Variants in CSMD1 observed in about 807,000 individuals in gnomAD.
The protein encoded by CSMD1 is CUB and sushi domain-containing protein 1.
In CSMD1, 213 loss-of-function variants were observed where a neutral mutation model predicts 417.5. That is an observed-to-expected ratio of 0.51 (90% confidence interval 0.46 to 0.57). The LOEUF (loss-of-function observed/expected upper bound fraction) is 0.57. CSMD1 is among the 20% of genes least tolerant of loss of function. The pLI, the probability that CSMD1 is intolerant of heterozygous loss-of-function variation, is 0.00. For synonymous variants in CSMD1, 2,862 were observed against 1,736.8 expected, an observed-to-expected ratio of 1.65 and a Z score of -16.11; for missense variants, 6,923 against 4,529.7, an observed-to-expected ratio of 1.53 and a Z score of -15.17.
intron 1 of CSMD1, among the ~76,000 whole-genome samples, chr8:4,901,536 AT>A (rs1804869961): frequency 6.6e-6 from 1 of 151,696 alleles, no homozygotes; most frequent in Non-Finnish European, 1.5e-5. Flanking sequence ...AAGAATTCAT[AT>A]GATCTCCCCA....
chr8:4,036,959 GTGTGT>G (rs1563347433), intron 3 of CSMD1, among the ~76,000 whole-genome samples: 1,729 of 9,818 alleles, frequency 0.18, 33 homozygotes, highest in African/African-American at 0.4. Flanking sequence ...AGTGTGGGGT[GTGTGT>G]GTGTGTGTGT....
intron 1 of CSMD1, among the ~76,000 whole-genome samples, chr8:4,660,116 A>G (rs76376882): frequency 4.5e-5 from 6 of 133,452 alleles, no homozygotes; most frequent in Non-Finnish European, 7.6e-5. Context: ...AACCAGTGCA[A>G]AAAAAAAAAA....
chr8:4,745,636 G>A (rs932089499), intron 1 of CSMD1, among the ~76,000 whole-genome samples: 1 of 152,188 alleles, frequency 6.6e-6, no homozygotes, highest in Non-Finnish European at 1.5e-5. Flanking sequence ...AGAGAGAGTA[G>A]AGAGAAGTAG....
At chr8:4,490,343 A>G (rs1040042082) in intron 2 of CSMD1, among the ~76,000 whole-genome samples, 1 of 152,130 alleles carries the variant, frequency 6.6e-6, no homozygotes, top group African/African-American at 2.4e-5. Context: ...TCCAGCCCAG[A>G]TATCTTGTAA....
At chr8:4,590,742 G>C (rs1160481310) in intron 2 of CSMD1, among the ~76,000 whole-genome samples, 1 of 152,060 alleles carries the variant, frequency 6.6e-6, no homozygotes, top group Non-Finnish European at 1.5e-5. Context: ...TATGCTTTTG[G>C]TTTTCTTTTG....
Position 3,698,041 on chromosome 8 carries a change from TC to T in CSMD1, c.1009+10372del, listed in dbSNP as rs1222782575. On this transcript the variant is annotated intron_variant, in intron 7 of 69. Coordinates refer to ENST00000635120, the MANE Select transcript of CSMD1 (RefSeq NM_033225.6). ...ACATTGTTTTATGTATTTTAATAGA[TC>T]CTTTTTTTCTGTTTATTTAAAAAAT... 3.4e-5 allele frequency among the ~76,000 whole-genome samples: 5 copies of T among 147,996 alleles called. No individual in the cohort carries two copies. The East Asian group carries it at 5.8e-4, about 17-fold the overall frequency.
chr8:4,781,107 G>C (rs1478569777), intron 1 of CSMD1, among the ~76,000 whole-genome samples: 6 of 152,110 alleles, frequency 3.9e-5, no homozygotes, highest in Non-Finnish European at 8.8e-5. Flanking sequence ...TCTTCTGGTG[G>C]TGTCTTTTCT....
intron 1 of CSMD1, among the ~76,000 whole-genome samples, chr8:4,873,034 C>A (rs931540374): frequency 6.6e-6 from 1 of 151,846 alleles, no homozygotes; most frequent in Non-Finnish European, 1.5e-5. Flanking sequence ...AAATGGTTAC[C>A]ACAAATCGTA....
chr8:3,992,452 C>A (rs1264285215), intron 5 of CSMD1, among the ~76,000 whole-genome samples: 1 of 152,122 alleles, frequency 6.6e-6, no homozygotes, highest in Admixed American at 6.6e-5. Context: ...TAGCTTACAA[C>A]AGGTTTGTGA....
chr8:3,564,999 G>C (rs900139503), intron 10 of CSMD1, among the ~76,000 whole-genome samples: 2 of 121,628 alleles, frequency 1.6e-5, no homozygotes, highest in African/African-American at 6.7e-5. Context: ...TTAATACCTA[G>C]GTGATGGGAA....
intron 3 of CSMD1, among the ~76,000 whole-genome samples, chr8:4,170,447 C>T (rs78868262): frequency 0.059 from 8,899 of 151,850 alleles, 1,077 homozygotes; most frequent in African/African-American, 0.2. Flanking sequence ...AATACTTCCC[C>T]TTTTTCCTAA....
In CSMD1 at chr8:3,850,645, A is replaced by G. The variant is rs376188762; in HGVS notation, c.819-96603T>C. Among the ~76,000 whole-genome samples, 37 of 152,314 alleles carry G rather than the reference A, an allele frequency of 2.4e-4. 1 individual carries two copies. The highest frequency in any genetic ancestry group is 7.7e-4 in the African/African-American group (32 of 41,562). ...GGGGGGCGGAGGTTGAGGTGAGCCA[A>G]GATCGCACCACTGCACTCCAGCCTG... On this transcript the variant is annotated intron_variant, in intron 5 of 69. Transcript: ENST00000635120.
At chr8:4,920,914 A>AG (rs1288141109) in intron 1 of CSMD1, among the ~76,000 whole-genome samples, 1 of 60,692 alleles carries the variant, frequency 1.6e-5, no homozygotes, top group African/African-American at 4.8e-5. Context: ...AAGAAAAGAA[A>AG]AGAAAAGAAA....
At chr8:4,322,492 A>C (rs988603074) in intron 3 of CSMD1, among the ~76,000 whole-genome samples, 1 of 152,164 alleles carries the variant, frequency 6.6e-6, no homozygotes, top group Non-Finnish European at 1.5e-5. Context: ...TGAAAGCTGT[A>C]TGCAGTTGTG....
In CSMD1 at chr8:4,207,547, T is replaced by A. The variant is rs373448638; in HGVS notation, c.416-175448A>T. Among the ~76,000 whole-genome samples, 18 of 152,244 alleles carry A rather than the reference T, an allele frequency of 1.2e-4. 1 individual carries two copies. In the South Asian group the frequency reaches 1.9e-3, roughly 16 times the overall value. ...AGTTTTAGTTTCAAATGTCCATCAA[T>A]AGAAAATAATGTTAAGAAAATGAAT... is the stretch of plus-strand genomic sequence containing the variant. On this transcript the variant is annotated intron_variant, in intron 3 of 69. Transcript: ENST00000635120.
At chr8:4,407,877 A>C (rs944198215) in intron 3 of CSMD1, among the ~76,000 whole-genome samples, 1 of 152,148 alleles carries the variant, frequency 6.6e-6, no homozygotes, top group African/African-American at 2.4e-5. Context: ...GAAAGCTCAT[A>C]TTTATGAGTT....
At chr8:3,439,296 TATATA>T (rs1426022885) in intron 12 of CSMD1, among the ~76,000 whole-genome samples, 22 of 50,520 alleles carry the variant, frequency 4.4e-4, no homozygotes, top group Non-Finnish European at 5.4e-4. Context: ...TATATATATA[TATATA>T]TATATATATT....
intron 3 of CSMD1, among the ~76,000 whole-genome samples, chr8:4,372,529 C>G (rs938286658): frequency 2.0e-5 from 3 of 151,674 alleles, no homozygotes; most frequent in Non-Finnish European, 4.4e-5. Context: ...ATACCTCATC[C>G]AATAAAATGA....
chr8:4,282,053 G>A (rs1185143404), intron 3 of CSMD1, among the ~76,000 whole-genome samples: 1 of 152,140 alleles, frequency 6.6e-6, no homozygotes, highest in Non-Finnish European at 1.5e-5. Flanking sequence ...CTTTCCCTGG[G>A]TTGTAGCACA....
Sources: gnomAD v4.1 joint callset for allele counts (sites outside exome capture counted in the v4.1 genomes callset) on GRCh38, gnomAD v4.1.1 for gene constraint, MANE v1.5 for transcripts, NCBI Gene and HGNC (gene_info 2026-07-23, HGNC 2026-07-21) for gene names.